GNG2: variants seen among roughly 807,000 people sequenced by gnomAD.
GNG2 encodes the protein guanine nucleotide-binding protein G(I)/G(S)/G(O) subunit gamma-2.
In GNG2, 5 loss-of-function variants were observed where a neutral mutation model predicts 5.5. The ratio of observed to expected loss-of-function variants is 0.91; its 90% CI spans 0.48 to 1.92. The LOEUF is 1.92. GNG2 is among the 30% of genes most tolerant of loss of function. The probability of loss-of-function intolerance (pLI) is 0.01; values close to 1 mark genes in which losing one functional copy is unlikely to be tolerated. For synonymous variants in GNG2, 28 were observed against 32.0 expected, an observed-to-expected ratio of 0.88 and a Z score of 0.42; for missense variants, 55 against 88.4, an observed-to-expected ratio of 0.62 and a Z score of 1.52.
At chr14:51,902,895 A>T (rs1243257427) in intron 2 of GNG2, among the ~76,000 whole-genome samples, 1 of 150,650 alleles carries the variant, frequency 6.6e-6, no homozygotes, top group African/African-American at 2.5e-5. Context: ...CTCAAAAAGA[A>T]GGAAAAATAA....
At chr14:51,903,100 T>G (rs554636854) in intron 2 of GNG2, among the ~76,000 whole-genome samples, 1 of 152,306 alleles carries the variant, frequency 6.6e-6, no homozygotes, top group East Asian at 1.9e-4. Context: ...TTCTTTAAAA[T>G]TGTTTACAGT....
At chr14:51,884,601 G>A (rs1884318337) in intron 2 of GNG2, among the ~76,000 whole-genome samples, 1 of 152,214 alleles carries the variant, frequency 6.6e-6, no homozygotes, top group South Asian at 2.1e-4. Flanking sequence ...ACACCTCTGT[G>A]GCTCCTGCAG....
intron 2 of GNG2, among the ~76,000 whole-genome samples, chr14:51,901,680 A>T (rs1252294219): frequency 6.7e-6 from 1 of 148,954 alleles, no homozygotes; most frequent in African/African-American, 2.5e-5. Context: ...GTTGTCAGGG[A>T]TGACAAAGCA....
rs942743059 is a variant in GNG2, at chr14:51,968,579, GTTC to G, written c.*1897_*1899del. On this transcript the variant is annotated 3_prime_UTR_variant, in exon 4 of 4. Coordinates refer to ENST00000556766, the MANE Select transcript of GNG2 (RefSeq NM_053064.5). ...TGCACTTCTGTAACCAGATACTTCT[GTTC>G]TTCTGTTCAAATTGTGGGGTTTTTG... 5 of 152,150 alleles carry G rather than the reference GTTC, an allele frequency of 3.3e-5. No individual in the cohort carries two copies. The highest frequency in any genetic ancestry group is 4.8e-5 in the African/African-American group (2 of 41,430). The allele number at this position is 152,150 out of a possible 1,614,324, so 9.4% of individuals were successfully genotyped here.
intron 2 of GNG2, among the ~76,000 whole-genome samples, chr14:51,941,697 T>C (rs1317602631): frequency 6.6e-6 from 1 of 152,226 alleles, no homozygotes; most frequent in Non-Finnish European, 1.5e-5. Flanking sequence ...TTACTAAGCC[T>C]AAATGACAAG....
At chr14:51,898,783 A>G (rs1403289771) in intron 2 of GNG2, among the ~76,000 whole-genome samples, 3 of 152,190 alleles carry the variant, frequency 2.0e-5, no homozygotes, top group Non-Finnish European at 4.4e-5. Flanking sequence ...GAACCAAGGC[A>G]CTGTCCCCTT....
In GNG2 at chr14:51,966,823, T is replaced by C. The variant is rs1297416253; in HGVS notation, c.*136T>C. 11 of 701,802 alleles carry C rather than the reference T, an allele frequency of 1.6e-5. No individual in the cohort carries two copies. Among genetic ancestry groups the C allele is most frequent in the Admixed American group, 1.2e-4 (5 of 40,408 alleles). 43.5% of individuals were successfully genotyped at this position (701,802 alleles called of 1,614,324 possible). A position where few individuals can be genotyped will look rare whatever the true frequency, so the allele number is the denominator to read the frequency against. The stretch of plus-strand genomic sequence containing the variant: ...CATTCTGGAAACTCTAGGCTATGCA[T>C]GTTTAAAGATCTGGTCCCCTTTATG... On this transcript the variant is annotated 3_prime_UTR_variant, in exon 4 of 4. Coordinates refer to ENST00000556766, the MANE Select transcript of GNG2 (RefSeq NM_053064.5).
chr14:51,913,593 G>GA (rs1886423002), intron 2 of GNG2, among the ~76,000 whole-genome samples: 1 of 152,184 alleles, frequency 6.6e-6, no homozygotes, highest in African/African-American at 2.4e-5. Flanking sequence ...GGCAGTACAG[G>GA]ATGAATGGTC....
chr14:51,832,183 A>G (rs1330986664), intron 2 of GNG2, among the ~76,000 whole-genome samples: 1 of 151,914 alleles, frequency 6.6e-6, no homozygotes, highest in Non-Finnish European at 1.5e-5. Context: ...AGGGAGCTGT[A>G]GTGGGAGGAT....
At chr14:51,963,509 A>G (rs758449942) in intron 3 of GNG2, among the ~76,000 whole-genome samples, 1 of 152,222 alleles carries the variant, frequency 6.6e-6, no homozygotes, top group Non-Finnish European at 1.5e-5. Context: ...AAAAAAAGTG[A>G]TCTCAATTCA....
chr14:51,827,214 T>C (rs1881052564), intron 1 of GNG2, among the ~76,000 whole-genome samples: 1 of 152,212 alleles, frequency 6.6e-6, no homozygotes, highest in Admixed American at 6.5e-5. Context: ...ATGTCAATAC[T>C]CTTTAAAGCC....
intron 2 of GNG2, among the ~76,000 whole-genome samples, chr14:51,922,507 G>A (rs1272951820): frequency 6.6e-6 from 1 of 152,076 alleles, no homozygotes; most frequent in Non-Finnish European, 1.5e-5. Flanking sequence ...TCTTAGCCCT[G>A]ACAACCACAC....
rs369475388 is a variant in GNG2, at chr14:51,949,280, T to C, written c.-29-1370T>C. Among the ~76,000 whole-genome samples, 11 of 149,408 alleles carry C rather than the reference T, an allele frequency of 7.4e-5. No individual in the cohort carries two copies. In the East Asian group the frequency reaches 1.5e-3, roughly 20 times the overall value. On this transcript the variant is annotated intron_variant, in intron 2 of 3. Coordinates refer to ENST00000556766, the MANE Select transcript of GNG2 (RefSeq NM_053064.5). ...AGAGAGTTATACCTAATTTCTTCTTTTGTCTTGAAGAACTGGATATCAAGA... is the reference window on the plus strand; with the variant it reads ...AGAGAGTTATACCTAATTTCTTCTTCTGTCTTGAAGAACTGGATATCAAGA...
Position 51,968,989 on chromosome 14 carries a change from A to G in GNG2, c.*2302A>G, listed in dbSNP as rs1020935199. 2.6e-5 allele frequency: 4 copies of G among 152,200 alleles called. No individual in the cohort carries two copies. The South Asian group carries it at 8.3e-4, about 32-fold the overall frequency. The allele number at this position is 152,200 out of a possible 1,614,324, so 9.4% of individuals were successfully genotyped here. On this transcript the variant is annotated 3_prime_UTR_variant, in exon 4 of 4. Coordinates refer to ENST00000556766, the MANE Select transcript of GNG2 (RefSeq NM_053064.5). ...TTTTCATAATTTTATGTCTTACAGT[A>G]TGGAATTATAATACGAAAATCTTTA...
At chr14:51,948,859 T>C (rs1008453906) in intron 2 of GNG2, among the ~76,000 whole-genome samples, 2 of 152,104 alleles carry the variant, frequency 1.3e-5, no homozygotes, top group African/African-American at 4.8e-5. Context: ...TGGTGGCTCA[T>C]GCCTGTAATC....
intron 2 of GNG2, among the ~76,000 whole-genome samples, chr14:51,918,918 A>G (rs1200145217): frequency 6.6e-6 from 1 of 152,146 alleles, no homozygotes; most frequent in East Asian, 1.9e-4. Context: ...TCCCCCTACC[A>G]GGTTCAAGCA....
intron 2 of GNG2, among the ~76,000 whole-genome samples, chr14:51,947,677 A>G (rs1055885731): frequency 6.6e-6 from 1 of 152,218 alleles, no homozygotes. Context: ...ATAAATTTCT[A>G]TTGTTTAAGC....
chr14:51,920,851 G>A (rs967892805), intron 2 of GNG2, among the ~76,000 whole-genome samples: 1 of 152,176 alleles, frequency 6.6e-6, no homozygotes, highest in Non-Finnish European at 1.5e-5. Context: ...AACTGTTGGG[G>A]CCATGGAAAC....
chr14:51,869,812 C>T (rs762217787), intron 1 of GNG2, among the ~76,000 whole-genome samples: 8 of 152,172 alleles, frequency 5.3e-5, no homozygotes, highest in Non-Finnish European at 8.8e-5. Context: ...CTTGCCCTGC[C>T]GCGGCTCTTT....
Sources: allele counts gnomAD v4.1 joint callset (sites outside exome capture counted in the v4.1 genomes callset), GRCh38; gene constraint gnomAD v4.1.1; transcripts MANE v1.5; gene names NCBI Gene and HGNC (gene_info 2026-07-23, HGNC 2026-07-21).